Variants in PCDH7 observed in about 807,000 individuals in gnomAD.
PCDH7 encodes the protein protocadherin-7.
In PCDH7, 17 loss-of-function variants were observed where a neutral mutation model predicts 58.9. That is an observed-to-expected ratio of 0.29 (90% CI 0.20 to 0.43). The LOEUF is 0.43. Among genes scored for constraint, PCDH7 ranks in the 20% least tolerant of loss-of-function variants. The probability of loss-of-function intolerance (pLI) is 1.00; values close to 1 mark genes in which losing one functional copy is unlikely to be tolerated. For synonymous variants in PCDH7, 664 were observed against 616.4 expected, an observed-to-expected ratio of 1.08 and a Z score of -1.14; for missense variants, 1,274 against 1,441.0, an observed-to-expected ratio of 0.88 and a Z score of 1.88.
intron 1 of PCDH7, among the ~76,000 whole-genome samples, chr4:30,788,462 C>A (rs1018528146): frequency 3.3e-5 from 5 of 151,834 alleles, no homozygotes; most frequent in Non-Finnish European, 7.4e-5. Flanking sequence ...GGATTTTTGT[C>A]CTTATTTATG....
chr4:30,729,230 GA>G (rs1024529945), intron 1 of PCDH7, among the ~76,000 whole-genome samples: 17 of 151,682 alleles, frequency 1.1e-4, no homozygotes, highest in African/African-American at 2.2e-4. Flanking sequence ...ACCTTTGGGG[GA>G]AAAAAACTGA....
intron 3 of PCDH7, among the ~76,000 whole-genome samples, chr4:31,122,825 G>A (rs927952524): frequency 6.6e-6 from 1 of 151,806 alleles, no homozygotes; most frequent in Non-Finnish European, 1.5e-5. Flanking sequence ...TGGGGGAAAT[G>A]AGAGATTATA....
At chr4:30,889,136 T>TAAAAAAAAAAAAAA (rs1738249207) in intron 1 of PCDH7, among the ~76,000 whole-genome samples, 1 of 67,506 alleles carries the variant, frequency 1.5e-5, no homozygotes, top group Non-Finnish European at 2.9e-5. Flanking sequence ...AGCAGATATC[T>TAAAAAAAAAAAAAA]CAAAAAAAAA....
intron 2 of PCDH7, among the ~76,000 whole-genome samples, chr4:30,926,189 C>A (rs1743844379): frequency 1.2e-5 from 1 of 85,110 alleles, no homozygotes; most frequent in African/African-American, 4.8e-5. Flanking sequence ...AACTTTAGGT[C>A]GTTTTTTTTT....
In PCDH7 at chr4:31,072,789, C is replaced by T. The variant is rs146209875; in HGVS notation, c.*8-69684C>T. Among the ~76,000 whole-genome samples the T allele has an allele frequency of 4.5e-3, 678 of 152,204 alleles. 3 individuals carry two copies. The highest frequency in any genetic ancestry group is 0.015 in the African/African-American group (640 of 41,544). On this transcript the variant is annotated intron_variant, in intron 3 of 3. Transcript: ENST00000509759. ...ACTCATTCATTGAGTTCATGGAGTT[C>T]CTGCAATGGGTTGTAAGAACTCAAT... is the stretch of plus-strand genomic sequence containing the variant.
intron 1 of PCDH7, among the ~76,000 whole-genome samples, chr4:30,730,341 T>C (rs1051929116): frequency 2.6e-5 from 4 of 152,072 alleles, no homozygotes; most frequent in African/African-American, 9.7e-5. Context: ...CAGTGACTCT[T>C]TTGCGGTACA....
chr4:31,042,105 G>T (rs1389617917), intron 3 of PCDH7, among the ~76,000 whole-genome samples: 5 of 152,114 alleles, frequency 3.3e-5, no homozygotes, highest in Admixed American at 6.6e-5. Flanking sequence ...GGCTGAGTGT[G>T]CAGCCTCAGT....
At position 30,722,288 on chromosome 4, in the gene PCDH7, C is replaced by T. The variant is rs774740440; in HGVS notation, c.866C>T (p.Ser289Phe). Reference sequence around the variant, plus strand: ...CGCGACGGCGGCGACCCGCCTCGCTCCTCGCAGGCCATCCTACGGGTCCTC... The same window carrying T: ...CGCGACGGCGGCGACCCGCCTCGCTTCTCGCAGGCCATCCTACGGGTCCTC... The change falls in exon 1 of 2, where the codon TCC (serine) becomes TTC (phenylalanine). Residue 289 changes from serine to phenylalanine, a missense_variant. By Grantham distance (155) the Ser-to-Phe change is radical. Around this residue, in one of 3 missense-constraint regions of PCDH7, gnomAD observed 331 missense variants for 303.2 expected, o/e 1.09. Transcript: ENST00000361762. This position sits in a 1 kb window ranked among gnomAD's most constrained non-coding sequence, Gnocchi z 7.6. 1 of 1,604,672 alleles carries T rather than the reference C, an allele frequency of 6.2e-7. No homozygotes were observed. Among genetic ancestry groups the T allele is most frequent in the Admixed American group, 1.7e-5 (1 of 58,740 alleles).
At chr4:31,142,120 G>T (rs1230081931) in intron 3 of PCDH7, among the ~76,000 whole-genome samples, 1 of 152,140 alleles carries the variant, frequency 6.6e-6, no homozygotes, top group Admixed American at 6.6e-5. Context: ...TCTTATGGAT[G>T]TGGAAAATAT....
At chr4:31,056,518 G>GAAA (rs1560608945) in intron 3 of PCDH7, among the ~76,000 whole-genome samples, 2 of 74,934 alleles carry the variant, frequency 2.7e-5, no homozygotes, top group Non-Finnish European at 5.7e-5. Flanking sequence ...AGAAAGAAAG[G>GAAA]GGAAGGGAAG....
chr4:30,806,360 AG>A (rs1726205184), intron 1 of PCDH7, among the ~76,000 whole-genome samples: 1 of 148,264 alleles, frequency 6.7e-6, no homozygotes, highest in African/African-American at 2.6e-5. Flanking sequence ...GCTGGAGTGC[AG>A]TTGCACAATC....
At chr4:30,901,414 A>G (rs983206921) in intron 1 of PCDH7, among the ~76,000 whole-genome samples, 4 of 152,132 alleles carry the variant, frequency 2.6e-5, no homozygotes, top group Non-Finnish European at 5.9e-5. Context: ...TTCCCATTTT[A>G]TTTTAGGGCC....
chr4:30,859,176 G>C (rs894686630), intron 1 of PCDH7, among the ~76,000 whole-genome samples: 1 of 152,104 alleles, frequency 6.6e-6, no homozygotes, highest in East Asian at 1.9e-4. Flanking sequence ...TTAGGACAAA[G>C]TGCCTATCTA....
chr4:30,749,700 A>G (rs34531866), intron 1 of PCDH7, among the ~76,000 whole-genome samples: 13 of 152,164 alleles, frequency 8.5e-5, no homozygotes, highest in Non-Finnish European at 1.6e-4. Flanking sequence ...CTCCACTATG[A>G]CTTTTGTATT....
intron 3 of PCDH7, among the ~76,000 whole-genome samples, chr4:31,092,541 A>G (rs1713392728): frequency 6.6e-6 from 1 of 152,040 alleles, no homozygotes; most frequent in African/African-American, 2.4e-5. Context: ...TGCTTTGTGA[A>G]TATGGTGGGG....
In PCDH7 at chr4:31,134,449, A is replaced by T. The variant is rs572738683; in HGVS notation, c.*8-8024A>T. ...CACTCCAACCTGGTGACAGAGCTAG[A>T]CTCCATCTCAAAAAACAAAAAACAA... On this transcript the variant is annotated intron_variant, in intron 3 of 3. Coordinates refer to the PCDH7 transcript ENST00000509759. Among the ~76,000 whole-genome samples the T allele has an allele frequency of 2.9e-4, 44 of 152,252 alleles. 1 individual carries two copies. The highest frequency in any genetic ancestry group is 1.0e-3 in the African/African-American group (42 of 41,544).
At position 30,722,469 on chromosome 4, in the gene PCDH7, G is replaced by C; in HGVS notation, c.1047G>C (p.Ala349=). The C allele has an allele frequency of 1.2e-6, 2 of 1,610,024 alleles. No individual in the cohort carries two copies. The highest frequency in any genetic ancestry group is 1.7e-6 in the Non-Finnish European group (2 of 1,178,548). Residue 349 remains alanine (A), a synonymous_variant, in exon 1 of 2, where the codon GCG becomes GCC. Coordinates refer to ENST00000361762, the Ensembl canonical transcript of PCDH7. This position sits in a 1 kb window ranked among gnomAD's most constrained non-coding sequence, Gnocchi z 7.6. ...GGCAGATCGAATACGTGTTCGGGGC[G>C]GCCACCGAGTCGGTGAGGCGGCTGC...
At chr4:31,032,178 AG>A (rs1451970213) in intron 3 of PCDH7, among the ~76,000 whole-genome samples, 1 of 152,258 alleles carries the variant, frequency 6.6e-6, no homozygotes, top group Non-Finnish European at 1.5e-5. Context: ...CTTCTTAAAA[AG>A]TTTGGCCTCT....
chr4:30,734,389 T>C (rs1251609138), downstream of PCDH7, among the ~76,000 whole-genome samples: 1 of 152,080 alleles, frequency 6.6e-6, no homozygotes, highest in Non-Finnish European at 1.5e-5. Context: ...CCTGCCACCA[T>C]GCCTGGCTAA....
Sources: gnomAD v4.1 joint callset for allele counts (sites outside exome capture counted in the v4.1 genomes callset) on GRCh38, gnomAD v4.1.1 for gene constraint, gnomAD v4.1.1 regional missense constraint, Gnocchi (gnomAD v3.1) non-coding constraint, MANE v1.5 for transcripts, NCBI Gene and HGNC (gene_info 2026-07-23, HGNC 2026-07-21) for gene names.